The following BCO1 variants were observed in gnomAD, a reference collection of about 807,000 sequenced individuals.
The protein encoded by BCO1 is beta-carotene oxygenase 1.
In BCO1, 54 loss-of-function variants were observed where a neutral mutation model predicts 56.3. That is an observed-to-expected ratio of 0.96 (90% CI 0.77 to 1.20). The LOEUF is 1.20. BCO1 is among the 50% of genes most tolerant of loss of function. BCO1 has a pLI of 0.00. For missense variants in BCO1, 801 were observed against 690.9 expected (o/e 1.16, Z -1.79); for synonymous variants, 318 against 266.1 (o/e 1.20, Z -1.90).
intron 5 of BCO1, among the ~76,000 whole-genome samples, chr16:81,264,991 A>T (rs1007104293): frequency 6.6e-6 from 1 of 152,166 alleles, no homozygotes; most frequent in African/African-American, 2.4e-5. Flanking sequence ...TCCCTTTACT[A>T]TTCTAATTTC....
intron 2 of BCO1, among the ~76,000 whole-genome samples, chr16:81,258,502 C>G (rs1906284885): frequency 6.6e-6 from 1 of 152,224 alleles, no homozygotes; most frequent in African/African-American, 2.4e-5. Flanking sequence ...GGAGGCAGCG[C>G]TCCCAGGACT....
chr16:81,256,893 G>GA (rs374663382), intron 2 of BCO1, among the ~76,000 whole-genome samples: 246 of 143,960 alleles, frequency 1.7e-3, no homozygotes, highest in Non-Finnish European at 2.5e-3. Flanking sequence ...CTCAAAAAAA[G>GA]AAAAAAAAAA....
chr16:81,255,345 G>A (rs1306442403), intron 2 of BCO1, among the ~76,000 whole-genome samples: 1 of 152,090 alleles, frequency 6.6e-6, no homozygotes, highest in Non-Finnish European at 1.5e-5. Flanking sequence ...TAACCTCTCT[G>A]TGCCTCAATT....
intron 8 of BCO1, among the ~76,000 whole-genome samples, chr16:81,284,434 A>G (rs147458601): frequency 3.0e-4 from 46 of 152,140 alleles, no homozygotes; most frequent in African/African-American, 1.0e-3. Flanking sequence ...AACCCCAGCA[A>G]TGCTTCCAAA....
intron 3 of BCO1, 111 bp from the exon 4 acceptor site, chr16:81,262,025 C>T (rs1399625001): frequency 2.2e-6 from 3 of 1,355,932 alleles, no homozygotes; most frequent in Admixed American, 1.7e-5. Context: ...TACAGGCACC[C>T]GGCCGAAGTA....
intron 3 of BCO1, chr16:81,261,897 A>G: frequency 2.4e-6 from 1 of 421,036 alleles, no homozygotes; most frequent in Non-Finnish European, 4.5e-6. Context: ...GCCTGCCACC[A>G]CGCCCGGCTG....
intron 2 of BCO1, among the ~76,000 whole-genome samples, chr16:81,256,693 G>A (rs1165940142): frequency 6.6e-6 from 1 of 152,074 alleles, no homozygotes; most frequent in Non-Finnish European, 1.5e-5. Flanking sequence ...TTTGAGACCA[G>A]CCCGGCCAAC....
intron 7 of BCO1, among the ~76,000 whole-genome samples, chr16:81,274,333 G>A (rs987360437): frequency 2.6e-4 from 38 of 147,260 alleles, no homozygotes; most frequent in Admixed American, 2.1e-4. Flanking sequence ...GCGTGATCTC[G>A]GCTCACTGCA....
At chr16:81,289,813 G>A (rs1023062482) in intron 10 of BCO1, among the ~76,000 whole-genome samples, 44 of 152,298 alleles carry the variant, frequency 2.9e-4, no homozygotes, top group African/African-American at 1.0e-3. Context: ...GAGAGGTCAA[G>A]GGACTGGCCC....
intron 6 of BCO1, among the ~76,000 whole-genome samples, chr16:81,269,308 T>TC (rs1279612608): frequency 2.6e-5 from 4 of 150,968 alleles, no homozygotes; most frequent in African/African-American, 9.7e-5. Context: ...TTTCTTTTTT[T>TC]TTTTTTTCAG....
chr16:81,275,775 G>T (rs1907517235), intron 7 of BCO1, among the ~76,000 whole-genome samples: 2 of 152,280 alleles, frequency 1.3e-5, no homozygotes, highest in Non-Finnish European at 2.9e-5. Context: ...TAAAAGGCCA[G>T]GAGGTCCTGA....
At chr16:81,256,550 T>C (rs1041569477) in intron 2 of BCO1, among the ~76,000 whole-genome samples, 2 of 152,182 alleles carry the variant, frequency 1.3e-5, no homozygotes, top group African/African-American at 2.4e-5. Context: ...AATAAAACAC[T>C]GCCTCTTTCA....
At chr16:81,246,347 C>T (rs557035872) in intron 2 of BCO1, among the ~76,000 whole-genome samples, 13 of 152,200 alleles carry the variant, frequency 8.5e-5, no homozygotes, top group South Asian at 2.1e-4. Flanking sequence ...TCAGGTCACA[C>T]ATTCAACAGG....
intron 7 of BCO1, among the ~76,000 whole-genome samples, chr16:81,271,121 T>TA (rs2151942544): frequency 6.6e-6 from 1 of 151,646 alleles, no homozygotes; most frequent in African/African-American, 2.4e-5. Context: ...TATTTTTTTT[T>TA]TTATTTTTTT....
At chr16:81,261,848 T>C (rs1219955091) in intron 3 of BCO1, 1 of 374,436 alleles carries the variant, frequency 2.7e-6, no homozygotes, top group East Asian at 6.5e-5. Flanking sequence ...TTCACGCCAT[T>C]CTCCTGCCTC....
intron 10 of BCO1, among the ~76,000 whole-genome samples, chr16:81,288,947 T>A (rs962471551): frequency 1.3e-5 from 2 of 152,172 alleles, no homozygotes; most frequent in African/African-American, 2.4e-5. Context: ...TGTGTCACTG[T>A]CATCTCCAAG....
chr16:81,266,154 G>C (rs1906815023), intron 5 of BCO1, among the ~76,000 whole-genome samples: 1 of 152,204 alleles, frequency 6.6e-6, no homozygotes, highest in Non-Finnish European at 1.5e-5. Context: ...GCTGTTTAGG[G>C]AGCTCAGTCC....
intron 3 of BCO1, 188 bp from the exon 4 acceptor site, chr16:81,261,948 T>G: frequency 1.6e-6 from 1 of 630,994 alleles, no homozygotes; most frequent in East Asian, 3.0e-5. Flanking sequence ...TTCACCGTGT[T>G]GGCCAGGATG....
intron 6 of BCO1, among the ~76,000 whole-genome samples, chr16:81,269,727 C>G (rs1907067380): frequency 6.6e-6 from 1 of 152,184 alleles, no homozygotes; most frequent in Admixed American, 6.5e-5. Context: ...CCCGGCCTCC[C>G]AAAGTGCTGG....
Sources: allele counts gnomAD v4.1 joint callset (sites outside exome capture counted in the v4.1 genomes callset), GRCh38; gene constraint gnomAD v4.1.1; transcripts MANE v1.5; gene names NCBI Gene and HGNC (gene_info 2026-07-23, HGNC 2026-07-21).